The following TPRG1 variants were observed in gnomAD, a reference collection of about 807,000 sequenced individuals.
The protein encoded by TPRG1 is tumor protein p63-regulated gene 1 protein.
TPRG1 carries 29 observed loss-of-function variants against 29.3 expected under a neutral mutation model. The observed-to-expected ratio is 0.99, with a 90% confidence interval of 0.74 to 1.35. The LOEUF (loss-of-function observed/expected upper bound fraction) is 1.35. Ranked by LOEUF, TPRG1 falls within the 40% of genes most tolerant of loss-of-function variation. The pLI is 0.00. For missense variants in TPRG1, 327 were observed against 335.0 expected, an observed-to-expected ratio of 0.98 and a Z score of 0.19; for synonymous variants, 130 against 116.8, an observed-to-expected ratio of 1.11 and a Z score of -0.73.
intron 4 of TPRG1, among the ~76,000 whole-genome samples, chr3:189,289,703 G>T (rs146802060): frequency 6.6e-6 from 1 of 152,124 alleles, no homozygotes. Context: ...TGAGATTATT[G>T]TATCACCCTT....
intron 4 of TPRG1, among the ~76,000 whole-genome samples, chr3:189,264,309 G>T (rs1218877691): frequency 6.6e-6 from 1 of 152,138 alleles, no homozygotes; most frequent in African/African-American, 2.4e-5. Flanking sequence ...CAGCAAGCAA[G>T]AAGTACAATG....
intron 3 of TPRG1, among the ~76,000 whole-genome samples, chr3:189,135,392 G>A (rs1215790358): frequency 6.6e-6 from 1 of 152,200 alleles, no homozygotes; most frequent in Non-Finnish European, 1.5e-5. Flanking sequence ...AACATGACAA[G>A]TTTCAAAACC....
At chr3:189,034,163 A>G (rs1461370060) in intron 4 of TPRG1, among the ~76,000 whole-genome samples, 2 of 152,190 alleles carry the variant, frequency 1.3e-5, no homozygotes, top group Non-Finnish European at 2.9e-5. Flanking sequence ...AAAAAAGGGG[A>G]CAAATAGAAG....
chr3:189,160,604 A>G (rs1727339943), intron 5 of TPRG1, among the ~76,000 whole-genome samples: 2 of 152,080 alleles, frequency 1.3e-5, no homozygotes, highest in South Asian at 2.1e-4. Flanking sequence ...ATCCTCCCCA[A>G]CCCAACTCCC....
At chr3:189,179,332 C>A (rs1221517939) in intron 1 of TPRG1, among the ~76,000 whole-genome samples, 1 of 152,190 alleles carries the variant, frequency 6.6e-6, no homozygotes, top group African/African-American at 2.4e-5. Flanking sequence ...CACCATTTGT[C>A]ACTTCCCCAG....
chr3:189,315,501 GAC>G (rs1723364004), intron 5 of TPRG1: 1 of 455,924 alleles, frequency 2.2e-6, no homozygotes, highest in Non-Finnish European at 4.4e-6. Flanking sequence ...AGTATGCAGA[GAC>G]TACTGCTGGG....
chr3:189,063,786 G>A (rs1716266742), intron 4 of TPRG1, among the ~76,000 whole-genome samples: 1 of 152,264 alleles, frequency 6.6e-6, no homozygotes, highest in African/African-American at 2.4e-5. Context: ...ATTTATAGCA[G>A]TAAAAACTTA....
At chr3:189,036,453 G>A (rs894508590) in intron 4 of TPRG1, among the ~76,000 whole-genome samples, 2 of 152,004 alleles carry the variant, frequency 1.3e-5, no homozygotes, top group East Asian at 1.9e-4. Flanking sequence ...CCCCACTAAT[G>A]TGTGGAAAAA....
rs750276903 is a variant in TPRG1 at position 189,073,419 on chromosome 3, A to T, written c.-463+49473A>T. ...CACAAATCAATTACGAGTATTCAAG[A>T]TTTGTTTGTAGTTCTTTTTTTCGCC... On this transcript the variant is annotated intron_variant, in intron 4 of 10. Transcript: ENST00000433971. Among the ~76,000 whole-genome samples, 46 of 152,188 alleles carry T rather than the reference A, an allele frequency of 3.0e-4. 1 individual carries two copies. Among genetic ancestry groups the T allele is most frequent in the Admixed American group, 3.3e-4 (5 of 15,286 alleles).
At position 189,272,728 on chromosome 3, in the gene TPRG1, C is replaced by T. The variant is rs1173942297; in HGVS notation, c.479+33819C>T. ...TTCTTTCTTTCTCCTTCCTTCCTTCCTTCCTTCCTTCCTTCCTTCCTTCGT... is the reference window on the plus strand; with the variant it reads ...TTCTTTCTTTCTCCTTCCTTCCTTCTTTCCTTCCTTCCTTCCTTCCTTCGT... On this transcript the variant is annotated intron_variant, in intron 4 of 5. Coordinates refer to ENST00000345063, the MANE Select transcript of TPRG1 (RefSeq NM_198485.4). Among the ~76,000 whole-genome samples, 438 of 139,206 alleles carry T rather than the reference C, an allele frequency of 3.1e-3. 5 individuals are homozygous for T. The highest frequency in any genetic ancestry group is 0.013 in the African/African-American group (420 of 33,362). 91.3% of individuals were successfully genotyped at this position (139,206 alleles called of 152,430 possible). A position where few individuals can be genotyped will look rare whatever the true frequency, so the allele number is the denominator to read the frequency against.
chr3:189,193,977 G>A (rs1359693006), intron 1 of TPRG1, among the ~76,000 whole-genome samples: 1 of 148,078 alleles, frequency 6.8e-6, no homozygotes. Flanking sequence ...ATATTTTCTT[G>A]CTTTTTCATG....
At chr3:189,075,310 T>G (rs2152160791) in intron 4 of TPRG1, among the ~76,000 whole-genome samples, 1 of 152,048 alleles carries the variant, frequency 6.6e-6, no homozygotes, top group South Asian at 2.1e-4. Flanking sequence ...TTTTCTTGTA[T>G]TTTTAGTAGA....
intron 4 of TPRG1, among the ~76,000 whole-genome samples, chr3:189,078,163 G>A (rs1717352809): frequency 1.2e-5 from 1 of 84,026 alleles, no homozygotes; most frequent in African/African-American, 5.0e-5. Context: ...TTTAGATGAA[G>A]TTTTGTTCTT....
intron 4 of TPRG1, among the ~76,000 whole-genome samples, chr3:189,037,237 C>A (rs1714329393): frequency 6.6e-6 from 1 of 151,134 alleles, no homozygotes; most frequent in Admixed American, 6.6e-5. Flanking sequence ...TGTAAAAATT[C>A]TACGAAAATC....
chr3:189,260,132 G>A (rs994521524), intron 4 of TPRG1, among the ~76,000 whole-genome samples: 3 of 152,092 alleles, frequency 2.0e-5, no homozygotes, highest in Non-Finnish European at 2.9e-5. Flanking sequence ...TCCATGCGTC[G>A]GTCTTCCCAT....
At chr3:189,277,053 G>A (rs957710023) in intron 4 of TPRG1, among the ~76,000 whole-genome samples, 6 of 152,096 alleles carry the variant, frequency 3.9e-5, no homozygotes, top group African/African-American at 9.7e-5. Context: ...TGGGTGAGAC[G>A]CTGCTCGAGG....
At chr3:189,237,501 A>G (rs778636537) in intron 3 of TPRG1, among the ~76,000 whole-genome samples, 11 of 152,178 alleles carry the variant, frequency 7.2e-5, no homozygotes, top group Non-Finnish European at 1.5e-4. Flanking sequence ...GTCTGCTTTG[A>G]GAAAATACAA....
At chr3:189,292,460 C>T (rs760375265) in intron 4 of TPRG1, among the ~76,000 whole-genome samples, 16 of 152,008 alleles carry the variant, frequency 1.1e-4, no homozygotes, top group Non-Finnish European at 1.5e-5. Context: ...ACTGCTTTGT[C>T]TCTCTGTTTT....
At chr3:189,210,122 T>C (rs373778928) in intron 2 of TPRG1, among the ~76,000 whole-genome samples, 1 of 152,138 alleles carries the variant, frequency 6.6e-6, no homozygotes, top group South Asian at 2.1e-4. Flanking sequence ...AATGTGTGTG[T>C]CTGTGTGTGT....
Sources: allele counts gnomAD v4.1 joint callset (sites outside exome capture counted in the v4.1 genomes callset), GRCh38; gene constraint gnomAD v4.1.1; transcripts MANE v1.5; gene names NCBI Gene and HGNC (gene_info 2026-07-23, HGNC 2026-07-21).